MICU3: variants seen among roughly 807,000 people sequenced by gnomAD.
MICU3 encodes the protein calcium uptake protein 3, mitochondrial.
A neutral mutation model predicts 66.5 loss-of-function variants in MICU3; 62 were observed. The ratio of observed to expected loss-of-function variants is 0.93; its 90% CI spans 0.76 to 1.15. The LOEUF (loss-of-function observed/expected upper bound fraction) is 1.15. Ranked by LOEUF, MICU3 falls within the 50% of genes most tolerant of loss-of-function variation. MICU3 has a pLI of 0.00. For missense variants in MICU3, 779 were observed against 664.4 expected (o/e 1.17, Z -1.90); for synonymous variants, 308 against 240.7 (o/e 1.28, Z -2.59).
chr8:17,036,268 A>G (rs1812966470), intron 1 of MICU3, among the ~76,000 whole-genome samples: 2 of 152,080 alleles, frequency 1.3e-5, no homozygotes, highest in Non-Finnish European at 2.9e-5. Flanking sequence ...TGGGCTCAGG[A>G]GTGAAGCTGC....
At chr8:17,074,590 C>T (rs886403604) in intron 3 of MICU3, among the ~76,000 whole-genome samples, 24 of 142,016 alleles carry the variant, frequency 1.7e-4, no homozygotes, top group Admixed American at 1.5e-3. Flanking sequence ...GATGTTAAAA[C>T]GTGTGTGTGT....
At chr8:17,126,176 T>G (rs1803401701), downstream of MICU3, among the ~76,000 whole-genome samples, 1 of 151,422 alleles carries the variant, frequency 6.6e-6, no homozygotes, top group South Asian at 2.1e-4. Flanking sequence ...GTTTCAATCA[T>G]TCCTTCTTAT....
rs1373140048 is a variant in MICU3 at position 17,087,160 on chromosome 8, T to G, written c.849+125T>G. 4 of 644,580 alleles carry G rather than the reference T, an allele frequency of 6.2e-6. No homozygotes were observed. The African/African-American group carries it at 7.4e-5, about 12-fold the overall frequency. The allele number at this position is 644,580 out of a possible 1,614,324, so 39.9% of individuals were successfully genotyped here. ...CCCTTTCTTGAAAACTTTGTAAAGTTTTTATGTAGAAAAATTGCTTCAGTA... is the reference window on the plus strand; with the variant it reads ...CCCTTTCTTGAAAACTTTGTAAAGTGTTTATGTAGAAAAATTGCTTCAGTA... On this transcript the variant is annotated intron_variant, in intron 7 of 14. Coordinates refer to ENST00000318063, the MANE Select transcript of MICU3 (RefSeq NM_181723.3).
At chr8:17,065,269 C>T (rs61202892) in intron 2 of MICU3, among the ~76,000 whole-genome samples, 13,593 of 152,072 alleles carry the variant, frequency 0.089, 940 homozygotes, top group East Asian at 0.38. Context: ...AAAAATGAAC[C>T]TTAAAATAAA....
chr8:17,129,315 T>C, the MICU3 span, among the ~76,000 whole-genome samples: 2 of 152,246 alleles, frequency 1.3e-5, no homozygotes, highest in African/African-American at 2.4e-5. Context: ...AAGTCATTCA[T>C]AGAAAAAGGC....
At chr8:17,127,627 T>A (rs1315922965), downstream of MICU3, among the ~76,000 whole-genome samples, 1 of 152,242 alleles carries the variant, frequency 6.6e-6, no homozygotes, top group Non-Finnish European at 1.5e-5. Flanking sequence ...ATGCTACTAA[T>A]TCAGTTTCTC....
chr8:17,083,560 G>C (rs1821507794), intron 5 of MICU3, among the ~76,000 whole-genome samples: 1 of 152,124 alleles, frequency 6.6e-6, no homozygotes, highest in Non-Finnish European at 1.5e-5. Flanking sequence ...ACAGCTTGGA[G>C]ATTAAAGCAA....
At chr8:17,123,605 A>G (rs969262897), downstream of MICU3, among the ~76,000 whole-genome samples, 16 of 152,100 alleles carry the variant, frequency 1.1e-4, no homozygotes, top group Admixed American at 3.9e-4. Flanking sequence ...GTGAGCTGTA[A>G]GTTTGGGGGC....
Position 17,122,594 on chromosome 8 carries a change from C to T in MICU3, c.*2307C>T, listed in dbSNP as rs904943149. 3 of 151,976 alleles carry T rather than the reference C, an allele frequency of 2.0e-5. No homozygotes were observed. Among genetic ancestry groups the T allele is most frequent in the Non-Finnish European group, 2.9e-5 (2 of 67,848 alleles). The allele number at this position is 151,976 out of a possible 1,614,324, so 9.4% of individuals were successfully genotyped here. On this transcript the variant is annotated 3_prime_UTR_variant, in exon 15 of 15. Transcript: ENST00000318063. ...ATAAATTGCAAAGCAACCTGTCTTA[C>T]ATTCTTACATTATCTTAAAATAAAT...
intron 4 of MICU3, among the ~76,000 whole-genome samples, chr8:17,080,488 T>A (rs1821019950): frequency 1.3e-5 from 2 of 152,150 alleles, no homozygotes; most frequent in Non-Finnish European, 2.9e-5. Context: ...TGAGATGGGA[T>A]TATGGAGACA....
intron 3 of MICU3, among the ~76,000 whole-genome samples, chr8:17,072,999 C>G (rs1291384114): frequency 1.3e-5 from 2 of 151,850 alleles, no homozygotes; most frequent in Non-Finnish European, 2.9e-5. Context: ...CAAGTGATCC[C>G]CCTACCTCAG....
chr8:17,032,064 A>G (rs1446537259), intron 1 of MICU3, among the ~76,000 whole-genome samples: 1 of 152,258 alleles, frequency 6.6e-6, no homozygotes, highest in African/African-American at 2.4e-5. Flanking sequence ...AAATAAGCTC[A>G]TGCTAAATAT....
chr8:17,034,812 G>A lies in MICU3; in HGVS notation c.381+7152G>A, dbSNP rs192031411. ...ATGAGCAAAGAAAATGGTTTCTTGA[G>A]ATGTAGTCTAATCCTGGTGAAGATG... On this transcript the variant is annotated intron_variant, in intron 1 of 14. Transcript: ENST00000318063. 6.1e-3 allele frequency among the ~76,000 whole-genome samples: 929 copies of A among 152,330 alleles called. 3 individuals are homozygous for A. The highest frequency in any genetic ancestry group is 0.01 in the Middle Eastern group (3 of 294).
intron 14 of MICU3, among the ~76,000 whole-genome samples, chr8:17,119,653 TATC>T (rs1287798608): frequency 1.3e-5 from 2 of 152,094 alleles, no homozygotes; most frequent in African/African-American, 4.8e-5. Context: ...GTTTAAGAAA[TATC>T]ATAATAAAAC....
In MICU3 at chr8:17,087,054, A is replaced by G; in HGVS notation, c.849+19A>G. 6.6e-7 allele frequency: 1 copy of G among 1,520,598 alleles called. No homozygotes were observed. The highest frequency in any genetic ancestry group is 9.1e-7 in the Non-Finnish European group (1 of 1,103,434). 94.2% of individuals were successfully genotyped at this position (1,520,598 alleles called of 1,614,324 possible). A position where few individuals can be genotyped will look rare whatever the true frequency, so the allele number is the denominator to read the frequency against. ...AATGCTGGTAAGAATACTTTATAGT[A>G]GCTTTAGGTGGCTTTTGTAGGCAAC... On this transcript the variant is annotated intron_variant, in intron 7 of 14. Transcript: ENST00000318063.
intron 1 of MICU3, among the ~76,000 whole-genome samples, chr8:17,056,842 G>A (rs890947455): frequency 1.3e-5 from 2 of 152,212 alleles, no homozygotes; most frequent in Non-Finnish European, 2.9e-5. Flanking sequence ...ATGGAACATC[G>A]TGGATTCATC....
chr8:17,037,125 A>C (rs140082139), intron 1 of MICU3, among the ~76,000 whole-genome samples: 2,239 of 152,270 alleles, frequency 0.015, 29 homozygotes, highest in Non-Finnish European at 0.024. Flanking sequence ...GGGGCCTGCC[A>C]AGCCCACGCC....
intron 1 of MICU3, among the ~76,000 whole-genome samples, chr8:17,030,255 G>A (rs1295473735): frequency 6.6e-6 from 1 of 152,030 alleles, no homozygotes; most frequent in Non-Finnish European, 1.5e-5. Context: ...GATTTTATAA[G>A]CTCTTGCTTT....
the MICU3 span, among the ~76,000 whole-genome samples, chr8:17,135,176 G>A: frequency 1.3e-5 from 2 of 152,090 alleles, no homozygotes; most frequent in Non-Finnish European, 2.9e-5. Flanking sequence ...CAGGGCAGGT[G>A]GACCACAAGG....
Sources: allele counts gnomAD v4.1 joint callset (sites outside exome capture counted in the v4.1 genomes callset), GRCh38; gene constraint gnomAD v4.1.1; transcripts MANE v1.5; gene names NCBI Gene and HGNC (gene_info 2026-07-23, HGNC 2026-07-21).